Variants in GAN observed in about 807,000 individuals in gnomAD.
GAN encodes the protein gigaxonin.
GAN carries 48 observed loss-of-function variants against 71.3 expected under a neutral mutation model. The ratio of observed to expected loss-of-function variants is 0.67; its 90% CI spans 0.53 to 0.86. The LOEUF (loss-of-function observed/expected upper bound fraction) is 0.86, where lower values mean the gene tolerates loss of function less well. Among genes scored for constraint, GAN ranks in the 40% least tolerant of loss-of-function variants. The probability of loss-of-function intolerance (pLI) is 0.00; values close to 1 mark genes in which losing one functional copy is unlikely to be tolerated. For synonymous variants in GAN, 386 were observed against 276.8 expected, an observed-to-expected ratio of 1.39 and a Z score of -3.92; for missense variants, 928 against 770.1, an observed-to-expected ratio of 1.21 and a Z score of -2.43.
intron 1 of GAN, among the ~76,000 whole-genome samples, chr16:81,322,556 T>C (rs1224406872): frequency 6.6e-6 from 1 of 152,256 alleles, no homozygotes; most frequent in Non-Finnish European, 1.5e-5. Context: ...TGAGTTTTTA[T>C]AGAAACTTAA....
At chr16:81,376,627 CATACATATATGTGTGT>C (rs894576720) in intron 9 of GAN, among the ~76,000 whole-genome samples, 24 of 145,166 alleles carry the variant, frequency 1.7e-4, no homozygotes, top group South Asian at 8.7e-4. Context: ...TGTATATATA[CATACATATATGTGTGT>C]ATATATGTGT....
intron 1 of GAN, among the ~76,000 whole-genome samples, chr16:81,337,070 A>C (rs1909788417): frequency 6.6e-6 from 1 of 152,176 alleles, no homozygotes; most frequent in Non-Finnish European, 1.5e-5. Context: ...TCACTGCCCT[A>C]AAAATCCTCT....
intron 1 of GAN, among the ~76,000 whole-genome samples, chr16:81,341,371 T>G (rs1253770970): frequency 6.6e-6 from 1 of 152,162 alleles, no homozygotes; most frequent in Non-Finnish European, 1.5e-5. Context: ...GAAAAAATGT[T>G]AAGGGCAGCC....
At chr16:81,352,463 A>G (rs1910331172) in intron 2 of GAN, among the ~76,000 whole-genome samples, 1 of 152,262 alleles carries the variant, frequency 6.6e-6, no homozygotes, top group African/African-American at 2.4e-5. Context: ...TAACAGAAGG[A>G]AGAGGTCAGT....
chr16:81,385,831 G>A lies in GAN; in HGVS notation c.*8235G>A, dbSNP rs1168419643. ...CCGTCACCCAGGCTGGAGTGCAGTG[G>A]CGCCATCTCCCAGGCTCAAGGGATC... On this transcript the variant is annotated 3_prime_UTR_variant, in exon 11 of 11. Transcript: ENST00000648994. 6.7e-6 allele frequency: 1 copy of A among 150,190 alleles called. No homozygotes were observed. The highest frequency in any genetic ancestry group is 1.9e-4 in the East Asian group (1 of 5,158). 9.3% of individuals were successfully genotyped at this position (150,190 alleles called of 1,614,324 possible).
In GAN at chr16:81,387,053, A is replaced by T. The variant is rs1252493900; in HGVS notation, c.*9457A>T. The T allele has an allele frequency of 6.6e-6, 1 of 152,216 alleles. No homozygotes were observed. Among genetic ancestry groups the T allele is most frequent in the Non-Finnish European group, 1.5e-5 (1 of 68,046 alleles). The allele number at this position is 152,216 out of a possible 1,614,324, so 9.4% of individuals were successfully genotyped here. A position where few individuals can be genotyped will look rare whatever the true frequency, so the allele number is the denominator to read the frequency against. ...TTGGCAAGAACGGATCTTTGGCAAG[A>T]TCACTTAAGGTGAGCTACTCTAGCA... On this transcript the variant is annotated 3_prime_UTR_variant, in exon 11 of 11. Transcript: ENST00000648994.
chr16:81,314,965 T>C lies in GAN; in HGVS notation c.-149T>C, dbSNP rs1251952456. 7.0e-6 allele frequency: 4 copies of C among 575,290 alleles called. No individual in the cohort carries two copies. The highest frequency in any genetic ancestry group is 2.0e-5 in the African/African-American group (1 of 51,218). 35.6% of individuals were successfully genotyped at this position (575,290 alleles called of 1,614,324 possible). A position where few individuals can be genotyped will look rare whatever the true frequency, so the allele number is the denominator to read the frequency against. On this transcript the variant is annotated 5_prime_UTR_variant, in exon 1 of 11. Transcript: ENST00000648994. ...AGGCGCCGGCCCAGCGCGCCGCGGATAGCACAGGCACGTCCCGGGGGCTCC... is the reference window on the plus strand; with the variant it reads ...AGGCGCCGGCCCAGCGCGCCGCGGACAGCACAGGCACGTCCCGGGGGCTCC...
chr16:81,360,091 G>A (rs999867300), intron 5 of GAN, among the ~76,000 whole-genome samples: 1 of 151,414 alleles, frequency 6.6e-6, no homozygotes, highest in Non-Finnish European at 1.5e-5. Context: ...AGACAGATAG[G>A]TAGATAGATG....
rs1340851782 is a variant in GAN at position 81,354,411 on chromosome 16, C to A, written c.289C>A (p.Leu97Ile). ...AATTATGCTACTTTTTTAGATCAGG[C>A]TAAATGAAGATACAATCCAAGATGT... is the stretch of plus-strand genomic sequence containing the variant. ...LDYIFSGQIR[L>I]NEDTIQDVVQ... The change falls in exon 3 of 11, where the codon CTA becomes ATA. Residue 97 changes from leucine to isoleucine, a missense_variant. Leu to Ile is a conservative substitution (Grantham distance 5). Coordinates refer to ENST00000648994, the MANE Select transcript of GAN (RefSeq NM_022041.4). 1.2e-6 allele frequency: 2 copies of A among 1,602,684 alleles called. No individual in the cohort carries two copies. Among genetic ancestry groups the A allele is most frequent in the East Asian group, 4.5e-5 (2 of 44,844 alleles).
chr16:81,342,536 G>A (rs139369308), intron 1 of GAN, among the ~76,000 whole-genome samples: 3,228 of 152,250 alleles, frequency 0.021, 58 homozygotes, highest in East Asian at 0.083. Context: ...TGATTACTGG[G>A]TAAATAACGA....
At chr16:81,345,449 A>T (rs150470892) in intron 1 of GAN, among the ~76,000 whole-genome samples, 1 of 152,220 alleles carries the variant, frequency 6.6e-6, no homozygotes, top group African/African-American at 2.4e-5. Flanking sequence ...TTTTGCAGGG[A>T]CATGGATGAA....
At chr16:81,337,896 C>G (rs1270270291) in intron 1 of GAN, among the ~76,000 whole-genome samples, 1 of 152,030 alleles carries the variant, frequency 6.6e-6, no homozygotes, top group Non-Finnish European at 1.5e-5. Context: ...ATTATAAATC[C>G]TTAAGTACTG....
At chr16:81,327,383 T>C (rs1039268160) in intron 1 of GAN, among the ~76,000 whole-genome samples, 3 of 152,200 alleles carry the variant, frequency 2.0e-5, no homozygotes, top group African/African-American at 2.4e-5. Flanking sequence ...TGGAGCTGCC[T>C]CTTATTTATT....
chr16:81,330,361 G>T (rs1432839608), intron 1 of GAN, among the ~76,000 whole-genome samples: 2 of 152,246 alleles, frequency 1.3e-5, no homozygotes, highest in Non-Finnish European at 2.9e-5. Flanking sequence ...GCACTGAGGA[G>T]CTCAGAAGAC....
chr16:81,376,684 A>G lies in GAN; in HGVS notation c.1503-535A>G, dbSNP rs532243011. Among the ~76,000 whole-genome samples, 9 of 149,256 alleles carry G rather than the reference A, an allele frequency of 6.0e-5. No homozygotes were observed. The East Asian group carries it at 1.2e-3, about 19-fold the overall frequency. ...TATGTGTGTATATACATATGTGTAT[A>G]TGTGTATATATATGCACACGCATAC... On this transcript the variant is annotated intron_variant, in intron 9 of 10. Transcript: ENST00000648994.
chr16:81,361,521 C>T (rs1910671537), intron 5 of GAN, among the ~76,000 whole-genome samples: 1 of 152,132 alleles, frequency 6.6e-6, no homozygotes, highest in Non-Finnish European at 1.5e-5. Context: ...TTTCTGTGGA[C>T]CTGGAGCTTA....
rs1161596328 is a variant in GAN, at chr16:81,363,798, G to C, written c.1091G>C (p.Arg364Thr). ...GGATCGCTAATGTAATTTCAGGCAA[G>C]ACATAACTTCGGAATTGTGGAGATA... The part of the protein sequence containing the change: ...WTALPPMNEA[R>T]HNFGIVEIDG... The change falls in exon 7 of 11, where the codon AGA (arginine) becomes ACA (threonine). Residue 364 changes from arginine (R) to threonine (T), a missense_variant. Arg to Thr is a moderately conservative substitution (Grantham distance 71, BLOSUM62 -1). Coordinates refer to ENST00000648994, the MANE Select transcript of GAN (RefSeq NM_022041.4). 1 of 1,613,758 alleles carries C rather than the reference G, an allele frequency of 6.2e-7. No individual in the cohort carries two copies. The highest frequency in any genetic ancestry group is 8.5e-7 in the Non-Finnish European group (1 of 1,179,662).
At chr16:81,329,910 C>T (rs1909515989) in intron 1 of GAN, among the ~76,000 whole-genome samples, 1 of 152,204 alleles carries the variant, frequency 6.6e-6, no homozygotes, top group Non-Finnish European at 1.5e-5. Context: ...ACCTTAAACC[C>T]AGTCAACCTA....
chr16:81,331,795 T>G (rs577387772), intron 1 of GAN, among the ~76,000 whole-genome samples: 1 of 152,236 alleles, frequency 6.6e-6, no homozygotes, highest in African/African-American at 2.4e-5. Flanking sequence ...AATTACATTT[T>G]GGGCCGTACG....
Sources: allele counts gnomAD v4.1 joint callset (sites outside exome capture counted in the v4.1 genomes callset), GRCh38; gene constraint gnomAD v4.1.1; transcripts MANE v1.5; gene names NCBI Gene and HGNC (gene_info 2026-07-23, HGNC 2026-07-21).